The following RLF variants were observed in gnomAD, a reference collection of about 807,000 sequenced individuals.
RLF encodes RLF zinc finger, also known as zinc finger protein Rlf.
In RLF, 7 loss-of-function variants were observed where a neutral mutation model predicts 162.9. That is an observed-to-expected ratio of 0.04 (90% CI 0.02 to 0.08). RLF has a LOEUF of 0.08. Ranked by LOEUF, RLF falls within the 10% of genes least tolerant of loss-of-function variation. The probability of loss-of-function intolerance (pLI) is 1.00; values close to 1 mark genes in which losing one functional copy is unlikely to be tolerated. For synonymous variants in RLF, 782 were observed against 791.5 expected (o/e 0.99, Z 0.20); for missense variants, 1,664 against 2,244.7 (o/e 0.74, Z 5.23).
At chr1:40,193,441 T>C (rs1197960809) in intron 3 of RLF, among the ~76,000 whole-genome samples, 1 of 152,200 alleles carries the variant, frequency 6.6e-6, no homozygotes, top group Non-Finnish European at 1.5e-5. Context: ...TTTATTTCAG[T>C]TGCTGCATAT....
At chr1:40,170,538 T>C (rs1311272831) in intron 1 of RLF, among the ~76,000 whole-genome samples, 1 of 152,182 alleles carries the variant, frequency 6.6e-6, no homozygotes, top group Non-Finnish European at 1.5e-5. Context: ...GAGTGCCAAC[T>C]TGCCCGGCCT....
chr1:40,183,007 A>G (rs1324651459), intron 1 of RLF, among the ~76,000 whole-genome samples: 1 of 152,154 alleles, frequency 6.6e-6, no homozygotes, highest in Admixed American at 6.5e-5. Flanking sequence ...ACCTCCATCA[A>G]GAGGTGGTGC....
At chr1:40,185,843 C>CAAAAAAAAAA (rs33982008) in intron 1 of RLF, among the ~76,000 whole-genome samples, 2 of 67,526 alleles carry the variant, frequency 3.0e-5, no homozygotes, top group African/African-American at 1.2e-4. Flanking sequence ...AAAAAAAAAG[C>CAAAAAAAAAA]AAAAAAAAAA....
intron 5 of RLF, among the ~76,000 whole-genome samples, chr1:40,208,699 C>T (rs1394091356): frequency 1.3e-5 from 2 of 151,946 alleles, no homozygotes. Flanking sequence ...GTGCCGTAGT[C>T]CCAGCTACTC....
At chr1:40,182,528 A>T (rs148370614) in intron 1 of RLF, among the ~76,000 whole-genome samples, 1 of 152,334 alleles carries the variant, frequency 6.6e-6, no homozygotes, top group East Asian at 1.9e-4. Flanking sequence ...ATTATGGGTT[A>T]TTAAATTTTT....
chr1:40,190,081 A>T (rs1269213663), intron 2 of RLF, among the ~76,000 whole-genome samples: 1 of 151,962 alleles, frequency 6.6e-6, no homozygotes, highest in Non-Finnish European at 1.5e-5. Flanking sequence ...TTTTATGATC[A>T]TATTTTTCCT....
At chr1:40,187,440 G>A (rs1039213839) in intron 1 of RLF, among the ~76,000 whole-genome samples, 1 of 152,118 alleles carries the variant, frequency 6.6e-6, no homozygotes, top group African/African-American at 2.4e-5. Flanking sequence ...GTTTTATAAT[G>A]TTACTCAGTT....
chr1:40,192,929 G>C (rs1182273011), intron 3 of RLF, among the ~76,000 whole-genome samples: 1 of 151,978 alleles, frequency 6.6e-6, no homozygotes, highest in East Asian at 1.9e-4. Flanking sequence ...AATGAAAAAT[G>C]ACAGCCTATT....
chr1:40,239,734 TC>T lies in RLF; in HGVS notation c.5034del (p.Thr1680ProfsTer4). 1 of 1,614,116 alleles carries T rather than the reference TC, an allele frequency of 6.2e-7. No homozygotes were observed. The highest frequency in any genetic ancestry group is 8.5e-7 in the Non-Finnish European group (1 of 1,180,018). ...GGGAACTTTGAAATGTAATCATAGTTCCAAAACCACTTCCCTAGAACAGTGT... is the reference window on the plus strand; with the variant it reads ...GGGAACTTTGAAATGTAATCATAGTTCAAAACCACTTCCCTAGAACAGTGT... ...YRGTLKCNHS[S>X]KTTSLEQCNI... On this transcript the variant is annotated frameshift_variant, in exon 8 of 8. Coordinates refer to ENST00000372771, the MANE Select transcript of RLF (RefSeq NM_012421.4). LOFTEE classifies it high-confidence loss of function.
Position 40,240,400 on chromosome 1 carries a change from T to A in RLF, c.5698T>A (p.Leu1900Ile). The change falls in exon 8 of 8, where the codon TTA (leucine) becomes ATA (isoleucine). Residue 1900 changes from leucine to isoleucine, a missense_variant. Coordinates refer to ENST00000372771, the MANE Select transcript of RLF (RefSeq NM_012421.4). ...TAAGTTTTCCACACCAATTTTAGACTTATTTCCAACAAAAAAGACAGATGA... is the reference window on the plus strand; with the variant it reads ...TAAGTTTTCCACACCAATTTTAGACATATTTCCAACAAAAAAGACAGATGA... ...RSKFSTPILDLFPTKKTDELC... is the reference protein window; with the variant it reads ...RSKFSTPILDIFPTKKTDELC... 1 of 1,613,816 alleles carries A rather than the reference T, an allele frequency of 6.2e-7. No individual in the cohort carries two copies. The highest frequency in any genetic ancestry group is 8.5e-7 in the Non-Finnish European group (1 of 1,179,944).
chr1:40,234,956 G>A (rs557584313), intron 7 of RLF, among the ~76,000 whole-genome samples: 19 of 152,052 alleles, frequency 1.2e-4, no homozygotes, highest in South Asian at 1.0e-3. Context: ...CACCTGTGAC[G>A]GTGACTATAA....
At position 40,238,310 on chromosome 1, in the gene RLF, C is replaced by G. The variant is rs761417682; in HGVS notation, c.3608C>G (p.Thr1203Ser). ...NKHQIGSDRA[T>S]HKLLDNEKCD... ...CATCAAATTGGCAGTGACAGAGCAA[C>G]TCACAAACTATTAGATAATGAAAAG... Residue 1203 changes from threonine to serine, a missense_variant, in exon 8 of 8, where the codon ACT (threonine) becomes AGT (serine). By Grantham distance (58) the Thr-to-Ser change is moderately conservative. Transcript: ENST00000372771. This position sits in a 1 kb window ranked among gnomAD's most constrained non-coding sequence, Gnocchi z 5.2. 6.2e-7 allele frequency: 1 copy of G among 1,614,102 alleles called. No individual in the cohort carries two copies. Among genetic ancestry groups the G allele is most frequent in the South Asian group, 1.1e-5 (1 of 91,084 alleles).
At chr1:40,216,502 G>C (rs201102580) in intron 5 of RLF, among the ~76,000 whole-genome samples, 1 of 127,568 alleles carries the variant, frequency 7.8e-6, no homozygotes, top group East Asian at 2.7e-4. Flanking sequence ...AAAAAAAAAA[G>C]AGAGAGAGAA....
intron 5 of RLF, among the ~76,000 whole-genome samples, chr1:40,216,349 G>A (rs1223428344): frequency 2.6e-5 from 4 of 152,042 alleles, no homozygotes; most frequent in East Asian, 1.9e-4. Context: ...TCAGCTGGGC[G>A]TGGTGGCACA....
At chr1:40,166,771 G>A (rs1232800812) in intron 1 of RLF, among the ~76,000 whole-genome samples, 5 of 146,432 alleles carry the variant, frequency 3.4e-5, no homozygotes, top group Admixed American at 7.0e-5. Context: ...ACCAAACACC[G>A]CACGTTCTCA....
chr1:40,191,052 A>G (rs1024873181), intron 3 of RLF, among the ~76,000 whole-genome samples, 199 bp downstream of exon 3: 7 of 152,194 alleles, frequency 4.6e-5, no homozygotes, highest in South Asian at 2.1e-4. Flanking sequence ...GTTTGCCTCT[A>G]CATAGTTAGA....
intron 4 of RLF, among the ~76,000 whole-genome samples, chr1:40,196,712 G>A (rs1479691441): frequency 6.6e-6 from 1 of 150,930 alleles, no homozygotes; most frequent in Non-Finnish European, 1.5e-5. Context: ...TGTTGCCTAG[G>A]CTGGTCTTGA....
At chr1:40,220,639 T>A (rs1273593949) in intron 5 of RLF, among the ~76,000 whole-genome samples, 1 of 152,200 alleles carries the variant, frequency 6.6e-6, no homozygotes, top group Non-Finnish European at 1.5e-5. Context: ...TTAGATTGGC[T>A]TGCATCTCCA....
At chr1:40,232,107 C>G (rs1028755281) in intron 7 of RLF, among the ~76,000 whole-genome samples, 3 of 151,830 alleles carry the variant, frequency 2.0e-5, no homozygotes, top group African/African-American at 4.8e-5. Flanking sequence ...ACTTTGGAGG[C>G]TGAGGCAGGA....
Sources: allele counts gnomAD v4.1 joint callset (sites outside exome capture counted in the v4.1 genomes callset), GRCh38; gene constraint gnomAD v4.1.1; non-coding constraint Gnocchi (gnomAD v3.1); transcripts MANE v1.5; gene names NCBI Gene and HGNC (gene_info 2026-07-23, HGNC 2026-07-21).